The following RET variants were observed in gnomAD, a reference collection of about 807,000 sequenced individuals.
The protein encoded by RET is proto-oncogene tyrosine-protein kinase receptor Ret.
RET carries 19 observed loss-of-function variants against 118.3 expected under a neutral mutation model. The ratio of observed to expected loss-of-function variants is 0.16; its 90% CI spans 0.11 to 0.24. The LOEUF is 0.24. Ranked by LOEUF, RET falls within the 10% of genes least tolerant of loss-of-function variation. RET has a pLI of 1.00. For synonymous variants in RET, 597 were observed against 644.1 expected, an observed-to-expected ratio of 0.93 and a Z score of 1.11; for missense variants, 1,219 against 1,502.1, an observed-to-expected ratio of 0.81 and a Z score of 3.12.
intron 1 of RET, among the ~76,000 whole-genome samples, chr10:43,090,671 A>T (rs1837391725): frequency 6.6e-6 from 1 of 151,994 alleles, no homozygotes; most frequent in Admixed American, 6.6e-5. Flanking sequence ...ATTATTATTT[A>T]TTTCTTATTA....
chr10:43,121,935 C>T lies in RET; in HGVS notation c.2731-11C>T, dbSNP rs566489997. 1.2e-6 allele frequency: 2 copies of T among 1,606,328 alleles called. No homozygotes were observed. The highest frequency in any genetic ancestry group is 2.2e-5 in the East Asian group (1 of 44,856). On this transcript the variant is annotated splice_polypyrimidine_tract_variant and intron_variant, in intron 15 of 19. Coordinates refer to ENST00000355710, the MANE Select transcript of RET (RefSeq NM_020975.6). Reference sequence around the variant, plus strand: ...AGTAACTTCAATGTCTTTATTCCATCTTCTCTTTAGGGTCGGATTCCAGTT... The same window carrying T: ...AGTAACTTCAATGTCTTTATTCCATTTTCTCTTTAGGGTCGGATTCCAGTT...
At chr10:43,084,137 T>A (rs1384112293) in intron 1 of RET, among the ~76,000 whole-genome samples, 1 of 152,272 alleles carries the variant, frequency 6.6e-6, no homozygotes, top group East Asian at 1.9e-4. Flanking sequence ...GATGGACACG[T>A]GGGTGCTTTC....
At position 43,114,863 on chromosome 10, in the gene RET, G is replaced by A; in HGVS notation, c.2136+127G>A. On this transcript the variant is annotated intron_variant, in intron 11 of 19. Transcript: ENST00000355710. The surrounding 1 kb of genome is among the most constrained non-coding windows in gnomAD (Gnocchi z 4.6). ...CCAACGCTGGGCAGACGAGGCCTGT[G>A]TTCTGCCCCCATTTCCATAGGGCGC... The A allele has an allele frequency of 3.9e-6, 4 of 1,033,394 alleles. No homozygotes were observed. Among genetic ancestry groups the A allele is most frequent in the East Asian group, 5.2e-5 (2 of 38,300 alleles). The allele number at this position is 1,033,394 out of a possible 1,614,324, so 64.0% of individuals were successfully genotyped here.
intron 5 of RET, 80 bp from the exon 6 acceptor site, chr10:43,108,951 C>A: frequency 7.3e-7 from 1 of 1,364,402 alleles, no homozygotes; most frequent in Non-Finnish European, 1.0e-6. Context: ...GAGTGCAGGG[C>A]TGTGTCTGGG....
At chr10:43,105,303 G>A (rs1265934841) in intron 4 of RET, 110 bp downstream of exon 4, 3 of 1,522,122 alleles carry the variant, frequency 2.0e-6, no homozygotes, top group Non-Finnish European at 2.7e-6. Flanking sequence ...CCGACCATTC[G>A]CGCTTTCATT....
chr10:43,119,897 C>T, intron 14 of RET, 152 bp downstream of exon 14: 1 of 1,237,476 alleles, frequency 8.1e-7, no homozygotes, highest in Non-Finnish European at 1.1e-6. Context: ...TGCTATGGCT[C>T]ACCACGCCCC....
At chr10:43,113,750 A>G in intron 10 of RET, 75 bp downstream of exon 10, 1 of 1,584,814 alleles carries the variant, frequency 6.3e-7, no homozygotes, top group Non-Finnish European at 8.6e-7. Flanking sequence ...TGAGGTCCCA[A>G]CAAGGGAGGA....
chr10:43,121,680 C>A (rs1307860853), intron 15 of RET, among the ~76,000 whole-genome samples: 1 of 152,198 alleles, frequency 6.6e-6, no homozygotes, highest in Admixed American at 6.5e-5. Flanking sequence ...CTCTGCACTA[C>A]CAGCAGGCCT....
At position 43,077,252 on chromosome 10, in the gene RET, A is replaced by T; in HGVS notation, c.-7A>T. Reference sequence around the variant, plus strand: ...CCCTCCAGCCGTGGCCCCAGCGCGCACGGGCGATGGCGAAGGCGACGTCCG... The same window carrying T: ...CCCTCCAGCCGTGGCCCCAGCGCGCTCGGGCGATGGCGAAGGCGACGTCCG... On this transcript the variant is annotated 5_prime_UTR_variant, in exon 1 of 20. Coordinates refer to ENST00000355710, the MANE Select transcript of RET (RefSeq NM_020975.6). 1 of 1,500,584 alleles carries T rather than the reference A, an allele frequency of 6.7e-7. No homozygotes were observed. The highest frequency in any genetic ancestry group is 8.8e-7 in the Non-Finnish European group (1 of 1,130,272). 93.0% of individuals were successfully genotyped at this position (1,500,584 alleles called of 1,614,324 possible).
chr10:43,116,739 C>CCAGGCA lies in RET; in HGVS notation c.2284+18_2284+23dup. On this transcript the variant is annotated intron_variant, in intron 12 of 19. Coordinates refer to ENST00000355710, the MANE Select transcript of RET (RefSeq NM_020975.6). ...CCGTGAAGATGCTGAAAGGTACCTG[C>CCAGGCA]CAGGCACAGGCACAGTGCCCCTGGG... 1 of 1,612,998 alleles carries CCAGGCA rather than the reference C, an allele frequency of 6.2e-7. No individual in the cohort carries two copies. The highest frequency in any genetic ancestry group is 2.2e-5 in the East Asian group (1 of 44,836).
At chr10:43,112,270 C>G in intron 8 of RET, 46 bp downstream of exon 8, 1 of 1,546,342 alleles carries the variant, frequency 6.5e-7, no homozygotes, top group Non-Finnish European at 8.7e-7. Context: ...GGCGATGGCA[C>G]CGGTGGAAAC....
chr10:43,116,730 A>G lies in RET; in HGVS notation c.2283A>G (p.Lys761=), dbSNP rs1564497412. 3 of 1,516,938 alleles carry G rather than the reference A, an allele frequency of 2.0e-6. No individual in the cohort carries two copies. The highest frequency in any genetic ancestry group is 9.0e-7 in the Non-Finnish European group (1 of 1,115,518). The allele number at this position is 1,516,938 out of a possible 1,614,324, so 94.0% of individuals were successfully genotyped here. A position where few individuals can be genotyped will look rare whatever the true frequency, so the allele number is the denominator to read the frequency against. The change falls in exon 12 of 20, where the codon AAA becomes AAG. Residue 761 remains lysine, a splice_region_variant and synonymous_variant. Transcript: ENST00000355710. The stretch of plus-strand genomic sequence containing the variant: ...CCACGGTGGCCGTGAAGATGCTGAA[A>G]GGTACCTGCCAGGCACAGGCACAGT... ...GYTTVAVKML[K]ENASPSELRD... is the part of the protein sequence containing the mutation.
At chr10:43,080,010 G>A (rs1837145070) in intron 1 of RET, among the ~76,000 whole-genome samples, 1 of 152,158 alleles carries the variant, frequency 6.6e-6, no homozygotes, top group South Asian at 2.1e-4. Flanking sequence ...CCTGCTGGGG[G>A]CCTGCAAGCA....
At chr10:43,100,819 T>TC (rs954388385) in intron 2 of RET, 97 bp downstream of exon 2, 102 of 1,335,862 alleles carry the variant, frequency 7.6e-5, no homozygotes, top group African/African-American at 6.0e-4. Context: ...TGGCATGGCT[T>TC]CCCCCCCACC....
intron 3 of RET, 154 bp from the exon 4 acceptor site, chr10:43,104,798 C>T (rs1175480871): frequency 8.4e-6 from 10 of 1,185,264 alleles, no homozygotes; most frequent in South Asian, 6.0e-5. Flanking sequence ...ACTCGTGCTC[C>T]GAGCGCTGCC....
intron 15 of RET, among the ~76,000 whole-genome samples, chr10:43,121,003 A>G (rs1363860471): frequency 1.3e-5 from 2 of 151,330 alleles, no homozygotes; most frequent in Non-Finnish European, 2.9e-5. Context: ...AGGGGTCTGG[A>G]GAAGCCATTT....
At chr10:43,117,411 C>A (rs899390291) in intron 12 of RET, among the ~76,000 whole-genome samples, 1 of 152,238 alleles carries the variant, frequency 6.6e-6, no homozygotes, top group South Asian at 2.1e-4. Context: ...ACAGGGAGAC[C>A]CTTGGATTTC....
intron 3 of RET, 36 bp downstream of exon 3, chr10:43,102,665 C>T (rs1837669206): frequency 1.2e-6 from 2 of 1,612,258 alleles, no homozygotes; most frequent in South Asian, 1.1e-5. Context: ...CCCACAGTGC[C>T]TGCTACTGCT....
chr10:43,100,233 G>C (rs901846492), intron 1 of RET, among the ~76,000 whole-genome samples: 5 of 152,160 alleles, frequency 3.3e-5, no homozygotes, highest in Non-Finnish European at 7.3e-5. Flanking sequence ...GAATAGGCTT[G>C]TCACTGAGGA....
Sources: allele counts gnomAD v4.1 joint callset (sites outside exome capture counted in the v4.1 genomes callset), GRCh38; gene constraint gnomAD v4.1.1; non-coding constraint Gnocchi (gnomAD v3.1); transcripts MANE v1.5; gene names NCBI Gene and HGNC (gene_info 2026-07-23, HGNC 2026-07-21).